Variants in GPCPD1 observed in about 807,000 individuals in gnomAD.
GPCPD1 encodes the protein glycerophosphocholine phosphodiesterase GPCPD1.
Under a neutral mutation model 89.2 loss-of-function variants are expected in GPCPD1, and 29 were observed. That is an observed-to-expected ratio of 0.33 (90% CI 0.24 to 0.44). The LOEUF (loss-of-function observed/expected upper bound fraction) is 0.44, where lower values mean the gene tolerates loss of function less well. Ranked by LOEUF, GPCPD1 falls within the 20% of genes least tolerant of loss-of-function variation. The probability of loss-of-function intolerance (pLI) is 1.00; values close to 1 mark genes in which losing one functional copy is unlikely to be tolerated. For synonymous variants in GPCPD1, 258 were observed against 266.3 expected (o/e 0.97, Z 0.30); for missense variants, 594 against 808.9 (o/e 0.73, Z 3.22).
At chr20:5,555,517 C>T (rs1056264329) in intron 19 of GPCPD1, among the ~76,000 whole-genome samples, 5 of 150,908 alleles carry the variant, frequency 3.3e-5, no homozygotes, top group Non-Finnish European at 5.9e-5. Context: ...GCAGCCTGGG[C>T]GACAGAGCGA....
chr20:5,548,940 T>C (rs936066589), intron 19 of GPCPD1: 12 of 1,050,612 alleles, frequency 1.1e-5, no homozygotes, highest in Admixed American at 9.3e-5. Context: ...ATATTAAACA[T>C]CCTCTACAGA....
At chr20:5,564,740 G>A (rs920597659) in intron 15 of GPCPD1, among the ~76,000 whole-genome samples, 2 of 152,130 alleles carry the variant, frequency 1.3e-5, no homozygotes, top group Non-Finnish European at 2.9e-5. Flanking sequence ...GAGAGACTGA[G>A]TGAGGTGGGA....
At chr20:5,603,005 A>G (rs952047865) in intron 2 of GPCPD1, among the ~76,000 whole-genome samples, 93 of 146,316 alleles carry the variant, frequency 6.4e-4, no homozygotes, top group African/African-American at 2.3e-3. Flanking sequence ...AAAAAAAAAA[A>G]AGAGGGGGCT....
intron 15 of GPCPD1, among the ~76,000 whole-genome samples, chr20:5,564,328 TAA>T (rs989180988): frequency 2.7e-5 from 4 of 146,518 alleles, no homozygotes; most frequent in Non-Finnish European, 6.0e-5. Context: ...AAAATATTGT[TAA>T]AAAAAAAAAA....
At chr20:5,560,139 G>A in intron 16 of GPCPD1, 63 bp from the exon 17 acceptor site, 2 of 1,190,034 alleles carry the variant, frequency 1.7e-6, no homozygotes, top group Non-Finnish European at 1.1e-6. Flanking sequence ...TAGCAACTCT[G>A]TTTTTATTCT....
intron 16 of GPCPD1, among the ~76,000 whole-genome samples, chr20:5,560,378 A>G (rs1354265945): frequency 6.6e-6 from 1 of 152,200 alleles, no homozygotes; most frequent in Admixed American, 6.5e-5. Flanking sequence ...AAAACTCTAG[A>G]ATTTTGCAGT....
chr20:5,582,983 C>T (rs949858798), intron 6 of GPCPD1, among the ~76,000 whole-genome samples: 3 of 151,950 alleles, frequency 2.0e-5, no homozygotes, highest in Non-Finnish European at 4.4e-5. Context: ...GCCTGTAATC[C>T]CAGCACTTTG....
intron 12 of GPCPD1, among the ~76,000 whole-genome samples, chr20:5,569,428 C>G (rs1212230624): frequency 1.3e-5 from 2 of 151,966 alleles, no homozygotes; most frequent in African/African-American, 4.8e-5. Flanking sequence ...ATATCATTAT[C>G]ATGATTATGT....
intron 15 of GPCPD1, among the ~76,000 whole-genome samples, chr20:5,562,585 T>G (rs887454038): frequency 6.6e-6 from 1 of 152,184 alleles, no homozygotes; most frequent in African/African-American, 2.4e-5. Context: ...CCCGGCAGAT[T>G]ATTTTAGATA....
intron 19 of GPCPD1, among the ~76,000 whole-genome samples, chr20:5,554,758 G>A (rs1169445575): frequency 1.3e-5 from 2 of 152,208 alleles, no homozygotes; most frequent in African/African-American, 2.4e-5. Flanking sequence ...TATTACCTTA[G>A]AAATACATTT....
At chr20:5,555,545 AT>A (rs1390562939) in intron 19 of GPCPD1, among the ~76,000 whole-genome samples, 3 of 151,530 alleles carry the variant, frequency 2.0e-5, no homozygotes, top group South Asian at 4.2e-4. Flanking sequence ...TCTCAAAAAA[AT>A]AATAATAAAA....
In GPCPD1 at chr20:5,580,249, A is replaced by G. The variant is rs549774296; in HGVS notation, c.350-118T>C. 8 of 549,258 alleles carry G rather than the reference A, an allele frequency of 1.5e-5. No individual in the cohort carries two copies. In the South Asian group the frequency reaches 2.2e-4, roughly 15 times the overall value. The allele number at this position is 549,258 out of a possible 1,614,324, so 34.0% of individuals were successfully genotyped here. A position where few individuals can be genotyped will look rare whatever the true frequency, so the allele number is the denominator to read the frequency against. On this transcript the variant is annotated intron_variant, in intron 6 of 19. Coordinates refer to ENST00000379019, the MANE Select transcript of GPCPD1 (RefSeq NM_019593.5). ...ATTCACTTTTTTTTTTTAACCTCCA[A>G]AGGAAATACATTTTTTAATGAGATC...
chr20:5,548,655 A>G (rs997798951), intron 19 of GPCPD1, among the ~76,000 whole-genome samples: 1 of 152,242 alleles, frequency 6.6e-6, no homozygotes, highest in Non-Finnish European at 1.5e-5. Context: ...ATTCTTTTCA[A>G]TAAAATCCGT....
chr20:5,608,560 T>C (rs770378388), intron 1 of GPCPD1, among the ~76,000 whole-genome samples: 1 of 151,406 alleles, frequency 6.6e-6, no homozygotes, highest in Non-Finnish European at 1.5e-5. Context: ...AGTAAAAAAA[T>C]GACTGTGTTG....
In GPCPD1 at chr20:5,565,075, G is replaced by T; in HGVS notation, c.1271C>A (p.Ser424Tyr). 3 of 1,495,846 alleles carry T rather than the reference G, an allele frequency of 2.0e-6. No homozygotes were observed. The highest frequency in any genetic ancestry group is 1.7e-4 in the Middle Eastern group (1 of 5,820). The allele number at this position is 1,495,846 out of a possible 1,614,324, so 92.7% of individuals were successfully genotyped here. ...AAAGGAATTTTCCTCCTGAACCACA[G>T]ATTCTGAAATTTTAAAACACAAAAT... Reference protein sequence around the residue: ...TALKSKDRKESVVQEENSFSE... With the variant: ...TALKSKDRKEYVVQEENSFSE... The change falls in exon 15 of 20, where the codon TCT (serine) becomes TAT (tyrosine). Residue 424 changes from serine to tyrosine, a missense_variant. Ser to Tyr is a moderately radical substitution (Grantham distance 144). Coordinates refer to ENST00000379019, the MANE Select transcript of GPCPD1 (RefSeq NM_019593.5).
chr20:5,596,285 GA>G (rs1174842210), intron 3 of GPCPD1, among the ~76,000 whole-genome samples: 2 of 152,014 alleles, frequency 1.3e-5, no homozygotes, highest in African/African-American at 4.8e-5. Context: ...CTAGCTACTC[GA>G]GAGGCTGAGG....
chr20:5,589,322 AATT>A (rs1979159362), intron 4 of GPCPD1, among the ~76,000 whole-genome samples: 1 of 152,144 alleles, frequency 6.6e-6, no homozygotes, highest in Non-Finnish European at 1.5e-5. Context: ...TTTAAAAAAA[AATT>A]AACAGGCCAG....
In GPCPD1 at chr20:5,561,591, CA is replaced by C. The variant is rs573585919; in HGVS notation, c.1330-62del. The C allele has an allele frequency of 2.6e-4, 194 of 739,680 alleles. 1 individual carries two copies. The highest frequency in any genetic ancestry group is 7.3e-4 in the South Asian group (42 of 57,336). 45.8% of individuals were successfully genotyped at this position (739,680 alleles called of 1,614,324 possible). The stretch of plus-strand genomic sequence containing the variant: ...TGAGATGGATAGCAGAATAAGAAAA[CA>C]AAAAAAATACAATTATTACTAAAAA... On this transcript the variant is annotated intron_variant, in intron 15 of 19. Transcript: ENST00000379019.
At chr20:5,552,312 G>A (rs1339858317) in intron 19 of GPCPD1, among the ~76,000 whole-genome samples, 1 of 152,042 alleles carries the variant, frequency 6.6e-6, no homozygotes, top group Non-Finnish European at 1.5e-5. Context: ...CCTCTGCCTA[G>A]AACACAAATC....
Sources: gnomAD v4.1 joint callset for allele counts (sites outside exome capture counted in the v4.1 genomes callset) on GRCh38, gnomAD v4.1.1 for gene constraint, MANE v1.5 for transcripts, NCBI Gene and HGNC (gene_info 2026-07-23, HGNC 2026-07-21) for gene names.